MTHFS: variants seen among roughly 807,000 people sequenced by gnomAD.
MTHFS encodes methenyltetrahydrofolate synthetase, also known as 5-formyltetrahydrofolate cyclo-ligase.
MTHFS carries 7 observed loss-of-function variants against 12.7 expected under a neutral mutation model. The observed-to-expected ratio is 0.55, with a 90% confidence interval of 0.31 to 1.03. The LOEUF (loss-of-function observed/expected upper bound fraction) is 1.03. MTHFS is among the 50% of genes least tolerant of loss of function. The probability of loss-of-function intolerance (pLI) is 0.05; values close to 1 mark genes in which losing one functional copy is unlikely to be tolerated. For missense variants in MTHFS, 252 were observed against 258.1 expected (o/e 0.98, Z 0.16); for synonymous variants, 100 against 97.1 (o/e 1.03, Z -0.18).
intron 2 of MTHFS, among the ~76,000 whole-genome samples, chr15:79,868,415 T>C (rs1275386332): frequency 1.3e-5 from 2 of 152,212 alleles, no homozygotes; most frequent in Non-Finnish European, 2.9e-5. Context: ...AAGAGAAATA[T>C]AGCACGTACT....
intron 2 of MTHFS, among the ~76,000 whole-genome samples, chr15:79,855,238 A>T (rs7164897): frequency 0.16 from 23,862 of 152,104 alleles, 2,367 homozygotes; most frequent in African/African-American, 0.28. Flanking sequence ...CAAAAATAAA[A>T]CTTACTGGAA....
At chr15:79,859,421 G>T (rs1207338123) in intron 2 of MTHFS, among the ~76,000 whole-genome samples, 1 of 152,176 alleles carries the variant, frequency 6.6e-6, no homozygotes, top group Non-Finnish European at 1.5e-5. Context: ...AAAACATCCA[G>T]ATACACACCC....
rs566753567 is a variant in MTHFS at position 79,847,413 on chromosome 15, G to A, written c.380-1971C>T. On this transcript the variant is annotated intron_variant, in intron 2 of 2. Coordinates refer to ENST00000258874, the MANE Select transcript of MTHFS (RefSeq NM_006441.4). ...CAAAAGACTTAAACAGGATGGGCAC[G>A]GTGGCTCATGCTTGCAATCCCAGCA... is the stretch of plus-strand genomic sequence containing the variant. Among the ~76,000 whole-genome samples the A allele has an allele frequency of 2.7e-3, 412 of 152,210 alleles. 1 individual carries two copies. The highest frequency in any genetic ancestry group is 5.0e-3 in the Non-Finnish European group (340 of 68,008).
rs1393349287 is a variant in MTHFS at position 79,844,927 on chromosome 15, C to G, written c.*283G>C. 1 of 430,554 alleles carries G rather than the reference C, an allele frequency of 2.3e-6. No homozygotes were observed. The highest frequency in any genetic ancestry group is 4.1e-5 in the Admixed American group (1 of 24,204). The allele number at this position is 430,554 out of a possible 1,614,324, so 26.7% of individuals were successfully genotyped here. A position where few individuals can be genotyped will look rare whatever the true frequency, so the allele number is the denominator to read the frequency against. On this transcript the variant is annotated 3_prime_UTR_variant, in exon 3 of 3. Transcript: ENST00000258874. The stretch of plus-strand genomic sequence containing the variant: ...AGCACAGTTCCTCATAAATATTTAA[C>G]TTAAATTGCAAAGTAGACAGATCAA...
At chr15:79,868,420 C>T (rs1234707314) in intron 2 of MTHFS, among the ~76,000 whole-genome samples, 3 of 152,006 alleles carry the variant, frequency 2.0e-5, no homozygotes, top group African/African-American at 7.3e-5. Context: ...AAATATAGCA[C>T]GTACTATGAA....
At chr15:79,862,638 T>G (rs2033937978) in intron 2 of MTHFS, among the ~76,000 whole-genome samples, 1 of 152,194 alleles carries the variant, frequency 6.6e-6, no homozygotes, top group Non-Finnish European at 1.5e-5. Flanking sequence ...TATCTTTACC[T>G]GCAGTCTCTT....
At chr15:79,893,778 C>G (rs1039983478) in intron 1 of MTHFS, among the ~76,000 whole-genome samples, 4 of 150,068 alleles carry the variant, frequency 2.7e-5, no homozygotes, top group African/African-American at 4.9e-5. Flanking sequence ...ATGTCAGAAA[C>G]TGACAGAGGG....
chr15:79,886,957 T>C (rs767774235), intron 2 of MTHFS, among the ~76,000 whole-genome samples: 7 of 152,196 alleles, frequency 4.6e-5, no homozygotes, highest in Non-Finnish European at 1.0e-4. Context: ...AAACCATACA[T>C]AGGCCGGGCA....
At chr15:79,889,601 GA>G (rs2034439736) in intron 1 of MTHFS, among the ~76,000 whole-genome samples, 2 of 152,142 alleles carry the variant, frequency 1.3e-5, no homozygotes, top group Admixed American at 1.3e-4. Flanking sequence ...TGGTAGGTGT[GA>G]AAACTCATTA....
At chr15:79,854,002 A>G (rs1186862544) in intron 2 of MTHFS, among the ~76,000 whole-genome samples, 2 of 152,226 alleles carry the variant, frequency 1.3e-5, no homozygotes, top group South Asian at 4.1e-4. Flanking sequence ...ATTTGCCCAA[A>G]GTCATACAGC....
chr15:79,868,729 C>T (rs2034053802), intron 2 of MTHFS, among the ~76,000 whole-genome samples: 3 of 152,242 alleles, frequency 2.0e-5, no homozygotes, highest in Non-Finnish European at 2.9e-5. Context: ...ACACCATAGG[C>T]TCCCCTGGTT....
chr15:79,897,055 C>T (rs989131954), upstream of MTHFS: 7 of 1,430,878 alleles, frequency 4.9e-6, no homozygotes, highest in East Asian at 2.9e-5. Flanking sequence ...GGTCTCCGCC[C>T]CTGGCCGCTC....
intron 2 of MTHFS, chr15:79,876,168 T>C (rs2034191255): frequency 6.6e-6 from 1 of 151,914 alleles, no homozygotes; most frequent in Non-Finnish European, 1.5e-5. Context: ...ATATAGGATA[T>C]GCAAAGAAAC....
chr15:79,864,547 C>CAAAAAAAAAAAAAAAAAAAAAAAA (rs58698908), intron 2 of MTHFS, among the ~76,000 whole-genome samples: 1 of 64,538 alleles, frequency 1.5e-5, no homozygotes, highest in African/African-American at 7.5e-5. Context: ...TCCATCTCAA[C>CAAAAAAAAAAAAAAAAAAAAAAAA]AAAAAAAAAA....
chr15:79,896,717 CGT>C, intron 1 of MTHFS, 153 bp downstream of exon 1: 1 of 900,452 alleles, frequency 1.1e-6, no homozygotes, highest in Non-Finnish European at 1.4e-6. Flanking sequence ...GACTAGGGGG[CGT>C]GCGCGCGCCG....
At chr15:79,881,832 G>A (rs908213201) in intron 2 of MTHFS, among the ~76,000 whole-genome samples, 2 of 152,196 alleles carry the variant, frequency 1.3e-5, no homozygotes, top group Non-Finnish European at 2.9e-5. Flanking sequence ...AGAACTGGGT[G>A]ACCTCGCATT....
At chr15:79,885,869 C>G (rs144604431) in intron 2 of MTHFS, among the ~76,000 whole-genome samples, 2 of 152,326 alleles carry the variant, frequency 1.3e-5, no homozygotes, top group East Asian at 3.9e-4. Context: ...GCTCCTAATG[C>G]CACTGATCCA....
chr15:79,844,954 T>C lies in MTHFS; in HGVS notation c.*256A>G. 1 of 516,470 alleles carries C rather than the reference T, an allele frequency of 1.9e-6. No homozygotes were observed. The highest frequency in any genetic ancestry group is 3.4e-6 in the Non-Finnish European group (1 of 296,718). 32.0% of individuals were successfully genotyped at this position (516,470 alleles called of 1,614,324 possible). A position where few individuals can be genotyped will look rare whatever the true frequency, so the allele number is the denominator to read the frequency against. Reference sequence around the variant, plus strand: ...TAAATTGCAAAGTAGACAGATCAACTTGTCACATTAACACCAGGAAGTTAA... The same window carrying C: ...TAAATTGCAAAGTAGACAGATCAACCTGTCACATTAACACCAGGAAGTTAA... On this transcript the variant is annotated 3_prime_UTR_variant, in exon 3 of 3. Coordinates refer to ENST00000258874, the MANE Select transcript of MTHFS (RefSeq NM_006441.4).
chr15:79,864,926 T>G (rs1174476977), intron 2 of MTHFS, among the ~76,000 whole-genome samples: 1 of 152,236 alleles, frequency 6.6e-6, no homozygotes, highest in Non-Finnish European at 1.5e-5. Context: ...ATTTGCAGTT[T>G]TTTAAACAAC....
Sources: allele counts gnomAD v4.1 joint callset (sites outside exome capture counted in the v4.1 genomes callset), GRCh38; gene constraint gnomAD v4.1.1; transcripts MANE v1.5; gene names NCBI Gene and HGNC (gene_info 2026-07-23, HGNC 2026-07-21).